Variants in PDE1B observed in about 807,000 individuals in gnomAD.
PDE1B encodes the protein phosphodiesterase 1B.
Under a neutral mutation model 66.7 loss-of-function variants are expected in PDE1B, and 13 were observed. That is an observed-to-expected ratio of 0.19 (90% CI 0.13 to 0.31). The LOEUF (loss-of-function observed/expected upper bound fraction) is 0.31, where lower values mean the gene tolerates loss of function less well. Ranked by LOEUF, PDE1B falls within the 10% of genes least tolerant of loss-of-function variation. The probability of loss-of-function intolerance (pLI) is 1.00; values close to 1 mark genes in which losing one functional copy is unlikely to be tolerated. For synonymous variants in PDE1B, 230 were observed against 253.9 expected (o/e 0.91, Z 0.90); for missense variants, 485 against 682.3 (o/e 0.71, Z 3.22).
Position 54,573,911 on chromosome 12 carries a change from G to GTT in PDE1B, c.1064+203_1064+204insTT. 7.9e-6 allele frequency: 4 copies of GTT among 509,280 alleles called. No homozygotes were observed. The highest frequency in any genetic ancestry group is 1.1e-5 in the Non-Finnish European group (3 of 283,652). 31.5% of individuals were successfully genotyped at this position (509,280 alleles called of 1,614,324 possible). On this transcript the variant is annotated intron_variant, in intron 10 of 15. Coordinates refer to ENST00000243052, the MANE Select transcript of PDE1B (RefSeq NM_000924.4). The surrounding 1 kb of genome is among the most constrained non-coding windows in gnomAD (Gnocchi z 5.2). Reference sequence around the variant, plus strand: ...TGTGTGTGTGTGTGTGTGTGTGTGTGTCCTTACGTTTACTCACAGCCTTGG... The same window carrying GTT: ...TGTGTGTGTGTGTGTGTGTGTGTGTGTTTCCTTACGTTTACTCACAGCCTTGG...
intron 2 of PDE1B, among the ~76,000 whole-genome samples, chr12:54,551,927 G>A (rs117954784): frequency 0.015 from 2,304 of 152,292 alleles, 30 homozygotes; most frequent in Non-Finnish European, 0.025. Flanking sequence ...ACTCACTTCA[G>A]CAGTCTGGTC....
At chr12:54,561,439 C>T (rs1957408626) in intron 2 of PDE1B, 2 of 1,267,656 alleles carry the variant, frequency 1.6e-6, no homozygotes, top group Non-Finnish European at 1.0e-6. Context: ...AGGCCCCTCC[C>T]CAAAGTTCTC....
In PDE1B at chr12:54,575,965, C is replaced by T. The variant is rs770194047; in HGVS notation, c.1268-27C>T. On this transcript the variant is annotated intron_variant, in intron 12 of 15. Coordinates refer to ENST00000243052, the MANE Select transcript of PDE1B (RefSeq NM_000924.4). The surrounding 1 kb of genome is among the most constrained non-coding windows in gnomAD (Gnocchi z 4.0). ...AGCCCTCCAGATAATAGTAAGACAT[C>T]TCTACGGCATTGCTCCTCCACTGCA... is the stretch of plus-strand genomic sequence containing the variant. 1.2e-5 allele frequency: 18 copies of T among 1,472,196 alleles called. No individual in the cohort carries two copies. Among genetic ancestry groups the T allele is most frequent in the Admixed American group, 1.7e-5 (1 of 59,770 alleles). The allele number at this position is 1,472,196 out of a possible 1,614,324, so 91.2% of individuals were successfully genotyped here. A position where few individuals can be genotyped will look rare whatever the true frequency, so the allele number is the denominator to read the frequency against.
chr12:54,560,262 G>A (rs1957388296), intron 2 of PDE1B, among the ~76,000 whole-genome samples: 1 of 152,198 alleles, frequency 6.6e-6, no homozygotes, highest in Non-Finnish European at 1.5e-5. Context: ...TCAAGGCTTT[G>A]GCATAATGAC....
rs1442484391 is a variant in PDE1B, at chr12:54,549,691, A to T, written c.-95A>T. 8.2e-6 allele frequency: 4 copies of T among 489,326 alleles called. No individual in the cohort carries two copies. Among genetic ancestry groups the T allele is most frequent in the Non-Finnish European group, 1.1e-5 (3 of 276,322 alleles). 30.3% of individuals were successfully genotyped at this position (489,326 alleles called of 1,614,324 possible). On this transcript the variant is annotated 5_prime_UTR_variant, in exon 1 of 16. Transcript: ENST00000243052. ...CCAAAGCTCGGCTGGGCAGCGGGAGAGGAGGAGCCGCAGGAGCTGCAGCTC... is the reference window on the plus strand; with the variant it reads ...CCAAAGCTCGGCTGGGCAGCGGGAGTGGAGGAGCCGCAGGAGCTGCAGCTC...
chr12:54,570,350 G>T lies in PDE1B; in HGVS notation c.587G>T (p.Arg196Leu). The T allele has an allele frequency of 6.3e-7, 1 of 1,597,918 alleles. No homozygotes were observed. The highest frequency in any genetic ancestry group is 1.3e-5 in the African/African-American group (1 of 74,654). ...ELLTRHNLIS[R>L]FKIPTVFLMS... ...CTGACTCGGCATAACCTCATCAGCC[G>T]CTTCAAGGTTGGGCAGCATCCTACC... Residue 196 changes from arginine to leucine, a missense_variant, in exon 6 of 16, where the codon CGC becomes CTC. This residue lies in a region of PDE1B where 282 missense variants were observed against 453.4 expected (regional missense o/e 0.62). Coordinates refer to ENST00000243052, the MANE Select transcript of PDE1B (RefSeq NM_000924.4).
Position 54,575,951 on chromosome 12 carries a change from T to C in PDE1B, c.1268-41T>C. Reference sequence around the variant, plus strand: ...TGCATGCTCTGCCTAGCCCTCCAGATAATAGTAAGACATCTCTACGGCATT... The same window carrying C: ...TGCATGCTCTGCCTAGCCCTCCAGACAATAGTAAGACATCTCTACGGCATT... On this transcript the variant is annotated intron_variant, in intron 12 of 15. Transcript: ENST00000243052. This position sits in a 1 kb window ranked among gnomAD's most constrained non-coding sequence, Gnocchi z 4.0. The C allele has an allele frequency of 7.3e-7, 1 of 1,371,008 alleles. No homozygotes were observed. 84.9% of individuals were successfully genotyped at this position (1,371,008 alleles called of 1,614,324 possible).
intron 2 of PDE1B, among the ~76,000 whole-genome samples, chr12:54,550,616 G>GC (rs886564881): frequency 4.6e-5 from 7 of 151,748 alleles, no homozygotes; most frequent in Non-Finnish European, 7.4e-5. Flanking sequence ...CTGGAGGGGG[G>GC]GTTGGAGCCC....
chr12:54,576,753 G>A (rs1388240539), intron 14 of PDE1B, 52 bp downstream of exon 14: 1 of 1,545,544 alleles, frequency 6.5e-7, no homozygotes, highest in African/African-American at 1.4e-5. Flanking sequence ...GTGGATCATG[G>A]AGCACTAGGA....
At position 54,576,589 on chromosome 12, in the gene PDE1B, C is replaced by A. The variant is rs772714171; in HGVS notation, c.1395C>A (p.Pro465=). ...KNQPSFQWRQ[P]SLDVEVGDPN... is the part of the protein sequence containing the mutation. Reference sequence around the variant, plus strand: ...CTTCTAGCTTTCAGTGGCGCCAGCCCTCTCTGGATGTGGAAGTGGGAGACC... The same window carrying A: ...CTTCTAGCTTTCAGTGGCGCCAGCCATCTCTGGATGTGGAAGTGGGAGACC... The change falls in exon 14 of 16, where the codon CCC becomes CCA. Residue 465 remains proline (P), a synonymous_variant. Coordinates refer to ENST00000243052, the MANE Select transcript of PDE1B (RefSeq NM_000924.4). 2.5e-6 allele frequency: 4 copies of A among 1,614,110 alleles called. 1 individual carries two copies. Among genetic ancestry groups the A allele is most frequent in the Middle Eastern group, 1.6e-4 (1 of 6,062 alleles).
In PDE1B at chr12:54,573,679, C is replaced by A; in HGVS notation, c.1034C>A (p.Thr345Asn). The change falls in exon 10 of 16, where the codon ACC becomes AAC. Residue 345 changes from threonine (T) to asparagine (N), a missense_variant. Around this residue, in one of 4 missense-constraint regions of PDE1B, gnomAD observed 282 missense variants for 453.4 expected, o/e 0.62. Transcript: ENST00000243052. This position sits in a 1 kb window ranked among gnomAD's most constrained non-coding sequence, Gnocchi z 5.2. The stretch of plus-strand genomic sequence containing the variant: ...TCCTGCCATTTCCAGCAAGTGAAGA[C>A]CATGAAGACAGCCTTGCAACAGCTG... Reference protein sequence around the residue: ...DMSCHFQQVKTMKTALQQLER... With the variant: ...DMSCHFQQVKNMKTALQQLER... The A allele has an allele frequency of 6.2e-7, 1 of 1,614,002 alleles. No homozygotes were observed. The highest frequency in any genetic ancestry group is 8.5e-7 in the Non-Finnish European group (1 of 1,179,922).
intron 5 of PDE1B, 71 bp from the exon 6 acceptor site, chr12:54,570,170 A>T: frequency 3.5e-6 from 3 of 865,692 alleles, no homozygotes; most frequent in Non-Finnish European, 4.0e-6. Context: ...ACTCATGGGA[A>T]GTCCTTCTTG....
intron 2 of PDE1B, among the ~76,000 whole-genome samples, chr12:54,556,690 G>A (rs1413403410): frequency 1.3e-5 from 2 of 152,160 alleles, no homozygotes; most frequent in African/African-American, 2.4e-5. Flanking sequence ...ATGGAGAAGA[G>A]CTAGAAAGGG....
At chr12:54,556,203 C>T (rs772711728) in intron 2 of PDE1B, among the ~76,000 whole-genome samples, 1 of 152,100 alleles carries the variant, frequency 6.6e-6, no homozygotes, top group African/African-American at 2.4e-5. Context: ...AGGGACAAAA[C>T]CAGGACAGCA....
At chr12:54,574,940 A>G (rs1957703977) in intron 10 of PDE1B, 158 bp from the exon 11 acceptor site, 1 of 546,348 alleles carries the variant, frequency 1.8e-6, no homozygotes, top group South Asian at 2.3e-5. Context: ...GTGCCACTGC[A>G]CTCCAGCCCG....
intron 2 of PDE1B, among the ~76,000 whole-genome samples, chr12:54,557,758 T>C (rs1195307188): frequency 6.6e-6 from 1 of 152,080 alleles, no homozygotes; most frequent in African/African-American, 2.4e-5. Flanking sequence ...TAGGATGTAG[T>C]TTGGAGGGCT....
chr12:54,550,122 GC>G (rs1957254193), intron 2 of PDE1B, 137 bp downstream of exon 2: 1 of 1,450,218 alleles, frequency 6.9e-7, no homozygotes, highest in Non-Finnish European at 9.1e-7. Flanking sequence ...AGGAAGCACG[GC>G]CCTGACACGC....
intron 2 of PDE1B, among the ~76,000 whole-genome samples, chr12:54,556,339 G>C (rs1429419869): frequency 6.6e-6 from 1 of 152,122 alleles, no homozygotes; most frequent in East Asian, 1.9e-4. Context: ...TTTGGGAAGG[G>C]GCATAGATGG....
At chr12:54,567,781 C>A (rs1403928495) in intron 3 of PDE1B, among the ~76,000 whole-genome samples, 3 of 151,918 alleles carry the variant, frequency 2.0e-5, no homozygotes, top group South Asian at 4.2e-4. Context: ...CAAGTATGAA[C>A]TGAGATGTGT....
Sources: allele counts gnomAD v4.1 joint callset (sites outside exome capture counted in the v4.1 genomes callset), GRCh38; gene constraint gnomAD v4.1.1; regional missense constraint gnomAD v4.1.1; non-coding constraint Gnocchi (gnomAD v3.1); transcripts MANE v1.5; gene names NCBI Gene and HGNC (gene_info 2026-07-23, HGNC 2026-07-21).